Variants in PTPRD observed in about 807,000 individuals in gnomAD.
PTPRD encodes protein tyrosine phosphatase receptor type D.
PTPRD carries 34 observed loss-of-function variants against 214.5 expected under a neutral mutation model. That is an observed-to-expected ratio of 0.16 (90% CI 0.12 to 0.21). The LOEUF is 0.21. PTPRD is among the 10% of genes least tolerant of loss of function. The pLI is 1.00. For synonymous variants in PTPRD, 1,128 were observed against 845.7 expected, an observed-to-expected ratio of 1.33 and a Z score of -5.79; for missense variants, 2,545 against 2,398.7, an observed-to-expected ratio of 1.06 and a Z score of -1.27.
intron 5 of PTPRD, among the ~76,000 whole-genome samples, chr9:9,825,970 C>A (rs1351366125): frequency 1.3e-5 from 2 of 151,486 alleles, no homozygotes; most frequent in African/African-American, 2.4e-5. Context: ...TCCTTAAGTA[C>A]ATGAAATTAG....
At chr9:9,446,465 T>C (rs1035911440) in intron 8 of PTPRD, among the ~76,000 whole-genome samples, 2 of 152,264 alleles carry the variant, frequency 1.3e-5, no homozygotes. Flanking sequence ...CTCCTGAGAC[T>C]TTCGTGAGGT....
At chr9:8,742,170 A>G (rs2092088653) in intron 11 of PTPRD, among the ~76,000 whole-genome samples, 1 of 152,166 alleles carries the variant, frequency 6.6e-6, no homozygotes, top group Admixed American at 6.5e-5. Flanking sequence ...TTCCTTGATG[A>G]CAGACTGCAC....
At chr9:10,256,082 G>A (rs147717895) in intron 3 of PTPRD, among the ~76,000 whole-genome samples, 36 of 152,310 alleles carry the variant, frequency 2.4e-4, no homozygotes, top group African/African-American at 8.7e-4. Context: ...GAGTCTAGGT[G>A]TGTGCTCTTT....
At chr9:10,017,858 T>C (rs1426130085) in intron 4 of PTPRD, among the ~76,000 whole-genome samples, 1 of 152,066 alleles carries the variant, frequency 6.6e-6, no homozygotes, top group Admixed American at 6.6e-5. Context: ...TCATGTAAAA[T>C]TGTAACCAAC....
intron 9 of PTPRD, among the ~76,000 whole-genome samples, chr9:9,331,741 T>G (rs1252323567): frequency 2.0e-5 from 3 of 152,058 alleles, no homozygotes; most frequent in Admixed American, 6.6e-5. Context: ...TCACACTTAC[T>G]GTCAATCACT....
At chr9:9,699,955 C>T (rs951098115) in intron 7 of PTPRD, among the ~76,000 whole-genome samples, 4 of 152,104 alleles carry the variant, frequency 2.6e-5, no homozygotes, top group African/African-American at 9.7e-5. Context: ...ATGCATTCCT[C>T]AGAATTATTT....
At chr9:8,361,554 T>C (rs1259419055) in intron 39 of PTPRD, among the ~76,000 whole-genome samples, 2 of 152,204 alleles carry the variant, frequency 1.3e-5, no homozygotes, top group Non-Finnish European at 2.9e-5. Context: ...CAGTAATAAA[T>C]GCCCTTTACA....
intron 3 of PTPRD, among the ~76,000 whole-genome samples, chr9:10,231,185 T>C (rs1322700615): frequency 1.3e-5 from 2 of 151,866 alleles, no homozygotes; most frequent in Non-Finnish European, 1.5e-5. Context: ...CAAGTTTTAA[T>C]CAAGTGTGAC....
At chr9:8,359,748 C>CTAAAA (rs2133827568) in intron 39 of PTPRD, among the ~76,000 whole-genome samples, 1 of 152,302 alleles carries the variant, frequency 6.6e-6, no homozygotes, top group African/African-American at 2.4e-5. Flanking sequence ...GGAACAGAGA[C>CTAAAA]TAAAATAAAA....
chr9:9,271,702 T>C (rs1406525575), intron 9 of PTPRD, among the ~76,000 whole-genome samples: 3 of 151,382 alleles, frequency 2.0e-5, no homozygotes, highest in Non-Finnish European at 4.4e-5. Context: ...CCTTGACCTT[T>C]TATAATCAAA....
intron 12 of PTPRD, among the ~76,000 whole-genome samples, chr9:8,645,448 A>C (rs16928234): frequency 0.13 from 19,575 of 152,258 alleles, 1,372 homozygotes; most frequent in East Asian, 0.19. Flanking sequence ...ACTCTCTTCC[A>C]TTTCAAGACA....
intron 2 of PTPRD, among the ~76,000 whole-genome samples, chr9:10,482,271 T>C (rs1486995625): frequency 1.3e-5 from 2 of 152,016 alleles, no homozygotes; most frequent in East Asian, 1.9e-4. Context: ...CTGAGGAGGC[T>C]GAGGCAGGAG....
intron 11 of PTPRD, among the ~76,000 whole-genome samples, chr9:8,849,815 T>C (rs1208621004): frequency 6.6e-6 from 1 of 152,122 alleles, no homozygotes; most frequent in Non-Finnish European, 1.5e-5. Flanking sequence ...CTGATGGCTG[T>C]GTTGAGTATT....
intron 12 of PTPRD, among the ~76,000 whole-genome samples, chr9:8,640,479 G>A (rs531622099): frequency 1.3e-5 from 2 of 149,520 alleles, no homozygotes; most frequent in Admixed American, 1.3e-4. Context: ...AAAATAACCA[G>A]TTAGAATCTA....
At chr9:10,385,882 G>C (rs914191979) in intron 2 of PTPRD, among the ~76,000 whole-genome samples, 1 of 151,754 alleles carries the variant, frequency 6.6e-6, no homozygotes, top group East Asian at 2.0e-4. Context: ...TACTTTTTAT[G>C]ATTATAAGAG....
chr9:8,398,229 CAT>C (rs922990883), intron 36 of PTPRD, among the ~76,000 whole-genome samples: 43 of 152,172 alleles, frequency 2.8e-4, no homozygotes, highest in African/African-American at 1.0e-3. Context: ...AGGTGCTTTA[CAT>C]ATGTTAGTTT....
At chr9:10,304,569 G>A (rs1042428743) in intron 3 of PTPRD, among the ~76,000 whole-genome samples, 1 of 152,108 alleles carries the variant, frequency 6.6e-6, no homozygotes, top group South Asian at 2.1e-4. Context: ...CAAAGTCTCA[G>A]GATACAAAAC....
chr9:9,349,800 C>T (rs578237238), intron 9 of PTPRD, among the ~76,000 whole-genome samples: 2 of 151,848 alleles, frequency 1.3e-5, no homozygotes, highest in East Asian at 1.9e-4. Flanking sequence ...TGTCTCATCA[C>T]CTATGGGGAC....
At chr9:9,393,777 T>C (rs1287541058) in intron 9 of PTPRD, among the ~76,000 whole-genome samples, 3 of 152,194 alleles carry the variant, frequency 2.0e-5, no homozygotes, top group Admixed American at 1.3e-4. Flanking sequence ...GGCTGCGGAA[T>C]GGATTAAATA....
Sources: gnomAD v4.1 joint callset for allele counts (sites outside exome capture counted in the v4.1 genomes callset) on GRCh38, gnomAD v4.1.1 for gene constraint, MANE v1.5 for transcripts, NCBI Gene and HGNC (gene_info 2026-07-23, HGNC 2026-07-21) for gene names.